The following SRCIN1 variants were observed in gnomAD, a reference collection of about 807,000 sequenced individuals.
SRCIN1 encodes SRC kinase signaling inhibitor 1, also known as P130Cas-associated protein.
Under a neutral mutation model 116.2 loss-of-function variants are expected in SRCIN1, and 50 were observed. That is an observed-to-expected ratio of 0.43 (90% CI 0.34 to 0.54). SRCIN1 has a LOEUF of 0.54. SRCIN1 is among the 20% of genes least tolerant of loss of function. SRCIN1 has a pLI of 0.02. For missense variants in SRCIN1, 1,446 were observed against 1,672.0 expected, an observed-to-expected ratio of 0.86 and a Z score of 2.36; for synonymous variants, 736 against 750.0, an observed-to-expected ratio of 0.98 and a Z score of 0.30.
At position 38,599,623 on chromosome 17, in the gene SRCIN1, C is replaced by T. The variant is rs530939915; in HGVS notation, c.22+6061G>A. On this transcript the variant is annotated intron_variant, in intron 1 of 18. Coordinates refer to ENST00000617146, the MANE Select transcript of SRCIN1 (RefSeq NM_025248.3). ...TTATCTTCCTATCTAACCTCGATTCCTCCTACTACAGCGTGGGCCTGCTTC... is the reference window on the plus strand; with the variant it reads ...TTATCTTCCTATCTAACCTCGATTCTTCCTACTACAGCGTGGGCCTGCTTC... Among the ~76,000 whole-genome samples the T allele has an allele frequency of 4.6e-5, 7 of 152,322 alleles. No individual in the cohort carries two copies. The South Asian group carries it at 1.4e-3, about 32-fold the overall frequency.
intron 18 of SRCIN1, 63 bp downstream of exon 18, chr17:38,543,741 AGGGGCAGGAGATGCCCAGT>A: frequency 2.0e-6 from 3 of 1,526,336 alleles, no homozygotes; most frequent in Middle Eastern, 4.6e-4. Context: ...TCACGGGAGC[AGGGGCAGGAGATGCCCAGT>A]GGGGCAGGGG....
At position 38,531,987 on chromosome 17, in the gene SRCIN1, T is replaced by A. The variant is rs1255634390; in HGVS notation, c.*1310A>T. ...CCTACCGGCTCCTCACTGTGCCCTC[T>A]GGGGGGCCAGGAGTGAGAACCAAAA... On this transcript the variant is annotated 3_prime_UTR_variant, in exon 19 of 19. Transcript: ENST00000617146. The A allele has an allele frequency of 6.6e-6, 1 of 152,614 alleles. No homozygotes were observed. Among genetic ancestry groups the A allele is most frequent in the Non-Finnish European group, 1.5e-5 (1 of 68,108 alleles). The allele number at this position is 152,614 out of a possible 1,614,324, so 9.5% of individuals were successfully genotyped here.
chr17:38,564,407 G>C (rs1484982733), intron 3 of SRCIN1, 94 bp from the exon 4 acceptor site: 20 of 1,321,780 alleles, frequency 1.5e-5, no homozygotes, highest in Non-Finnish European at 1.9e-5. Context: ...GGAAGGTCCT[G>C]CCAGCCAGCG....
Position 38,559,714 on chromosome 17 carries a change from G to T in SRCIN1, c.1896C>A (p.Pro632=). The change falls in exon 10 of 19, where the codon CCC becomes CCA. Residue 632 remains proline (P), a synonymous_variant. Transcript: ENST00000617146. ...GACCTGCGGGGGTGCTGCTGGCCGAGGGCGGGGGCGGGCCGGACACCGGGG... is the reference window on the plus strand; with the variant it reads ...GACCTGCGGGGGTGCTGCTGGCCGATGGCGGGGGCGGGCCGGACACCGGGG... ...GATPVSGPPP[P]SASSTPAGQP... 1 of 1,570,754 alleles carries T rather than the reference G, an allele frequency of 6.4e-7. No homozygotes were observed.
At chr17:38,550,826 C>T (rs1016618707) in intron 15 of SRCIN1, among the ~76,000 whole-genome samples, 34 of 152,352 alleles carry the variant, frequency 2.2e-4, no homozygotes, top group African/African-American at 5.3e-4. Context: ...GCAGTATCAG[C>T]GCTCAACCCG....
At chr17:38,606,121 AGC>A (rs1259079121), upstream of SRCIN1, among the ~76,000 whole-genome samples, 1 of 149,878 alleles carries the variant, frequency 6.7e-6, no homozygotes, top group Non-Finnish European at 1.5e-5. This position sits in a 1 kb window ranked among gnomAD's most constrained non-coding sequence, Gnocchi z 5.2. Context: ...GTGATCCCGC[AGC>A]GCGCGGCCGG....
intron 11 of SRCIN1, among the ~76,000 whole-genome samples, chr17:38,555,488 T>G (rs1905725280): frequency 6.6e-6 from 1 of 152,250 alleles, no homozygotes; most frequent in Non-Finnish European, 1.5e-5. Flanking sequence ...GAGAAAGATA[T>G]GTTTATTACT....
chr17:38,576,950 C>T (rs565755347), intron 2 of SRCIN1, among the ~76,000 whole-genome samples: 1 of 152,212 alleles, frequency 6.6e-6, no homozygotes, highest in African/African-American at 2.4e-5. Context: ...CCACCATCTG[C>T]CCCACTTTTT....
intron 3 of SRCIN1, among the ~76,000 whole-genome samples, chr17:38,566,831 T>C (rs1906712556): frequency 6.7e-6 from 1 of 148,676 alleles, no homozygotes; most frequent in Admixed American, 6.7e-5. Flanking sequence ...GGAACATGCA[T>C]CCTCTCGTGT....
chr17:38,601,139 A>G (rs530244629), intron 1 of SRCIN1: 3 of 152,454 alleles, frequency 2.0e-5, no homozygotes, highest in Non-Finnish European at 4.4e-5. Flanking sequence ...ACGCCCCCTC[A>G]TTTCACAGGT....
At chr17:38,566,883 T>TTCCTTCCTTCCTTCCC (rs1173933841) in intron 3 of SRCIN1, among the ~76,000 whole-genome samples, 11 of 150,348 alleles carry the variant, frequency 7.3e-5, no homozygotes, top group Admixed American at 6.6e-4. Flanking sequence ...CCTTCCTTCC[T>TTCCTTCCTTCCTTCCC]TCCTTCCTTC....
At position 38,563,706 on chromosome 17, in the gene SRCIN1, C is replaced by T; in HGVS notation, c.542-185G>A. 1.2e-6 allele frequency: 1 copy of T among 833,028 alleles called. No individual in the cohort carries two copies. Among genetic ancestry groups the T allele is most frequent in the Non-Finnish European group, 2.0e-6 (1 of 509,036 alleles). 51.6% of individuals were successfully genotyped at this position (833,028 alleles called of 1,614,324 possible). A position where few individuals can be genotyped will look rare whatever the true frequency, so the allele number is the denominator to read the frequency against. On this transcript the variant is annotated intron_variant, in intron 4 of 18. Coordinates refer to ENST00000617146, the MANE Select transcript of SRCIN1 (RefSeq NM_025248.3). The surrounding 1 kb of genome is among the most constrained non-coding windows in gnomAD (Gnocchi z 5.8). ...TGCCGGCGGGGGCGCCAGGCCGGCTCTCCAGCCTCTCAAGGCACCCACTGG... is the reference window on the plus strand; with the variant it reads ...TGCCGGCGGGGGCGCCAGGCCGGCTTTCCAGCCTCTCAAGGCACCCACTGG...
At chr17:38,566,866 T>TTTCCTTCCTTCCTTCCTTCCTTCCTTCC (rs71138633) in intron 3 of SRCIN1, among the ~76,000 whole-genome samples, 113 of 131,996 alleles carry the variant, frequency 8.6e-4, no homozygotes, top group African/African-American at 1.9e-3. Context: ...TTTTGTTTCG[T>TTTCCTTCCTTCCTTCCTTCCTTCCTTCC]TTCCTTCCTT....
At position 38,552,049 on chromosome 17, in the gene SRCIN1, T is replaced by C; in HGVS notation, c.2564A>G (p.Asn855Ser). Residue 855 changes from asparagine (N) to serine (S), a missense_variant, in exon 14 of 19, where the codon AAC becomes AGC. Transcript: ENST00000617146. The surrounding 1 kb of genome is among the most constrained non-coding windows in gnomAD (Gnocchi z 5.3). ...PKKVTAETDF[N>S]KSVDFEMPPP... ...TGGCATTTCGAAGTCCACGCTCTTG[T>C]TGAAGTCAGTCTCTGCCGTCACCTT... 1.2e-6 allele frequency: 2 copies of C among 1,613,756 alleles called. No individual in the cohort carries two copies. The highest frequency in any genetic ancestry group is 1.1e-5 in the South Asian group (1 of 91,084).
At chr17:38,539,905 C>A (rs1352102420) in intron 18 of SRCIN1, among the ~76,000 whole-genome samples, 5 of 151,150 alleles carry the variant, frequency 3.3e-5, no homozygotes, top group Non-Finnish European at 5.9e-5. Context: ...CCTGTAATCC[C>A]AGCTACTCAG....
In SRCIN1 at chr17:38,561,531, G is replaced by C; in HGVS notation, c.1632C>G (p.Phe544Leu). The change falls in exon 7 of 19, where the codon TTC (phenylalanine) becomes TTG (leucine). Residue 544 changes from phenylalanine (F) to leucine (L), a missense_variant. Physicochemically the swap from Phe to Leu is conservative, Grantham distance 22 (BLOSUM62 0). Around this residue, in one of 5 missense-constraint regions of SRCIN1, gnomAD observed 398 missense variants for 385.6 expected, o/e 1.03. Transcript: ENST00000617146. ...STAGAPPSELFPGPGERSLVG... is the reference protein window; with the variant it reads ...STAGAPPSELLPGPGERSLVG... ...CCAGCGAGCGTTCCCCAGGCCCAGG[G>C]AAGAGCTCCGAAGGGGGAGCTCCGG... 1.3e-6 allele frequency: 2 copies of C among 1,599,292 alleles called. No homozygotes were observed. The highest frequency in any genetic ancestry group is 8.5e-7 in the Non-Finnish European group (1 of 1,176,992).
rs1346707009 is a variant in SRCIN1 at position 38,560,111 on chromosome 17, A to G, written c.1794-14T>C. 4 of 1,543,034 alleles carry G rather than the reference A, an allele frequency of 2.6e-6. No homozygotes were observed. Among genetic ancestry groups the G allele is most frequent in the Non-Finnish European group, 3.5e-6 (4 of 1,143,526 alleles). The stretch of plus-strand genomic sequence containing the variant: ...TCAATCTTCTCGCTGTGGCACAGGG[A>G]AAAAAGCCATCAGGGGGTCCAGGCC... On this transcript the variant is annotated splice_polypyrimidine_tract_variant and intron_variant, in intron 8 of 18. Coordinates refer to ENST00000617146, the MANE Select transcript of SRCIN1 (RefSeq NM_025248.3).
At position 38,568,435 on chromosome 17, in the gene SRCIN1, C is replaced by T. The variant is rs1906860159; in HGVS notation, c.325-204G>A. 6.6e-6 allele frequency among the ~76,000 whole-genome samples: 1 copy of T among 152,148 alleles called. No individual in the cohort carries two copies. The highest frequency in any genetic ancestry group is 2.4e-5 in the African/African-American group (1 of 41,428). On this transcript the variant is annotated intron_variant, in intron 2 of 18. Transcript: ENST00000617146. The surrounding 1 kb of genome is among the most constrained non-coding windows in gnomAD (Gnocchi z 4.5). Reference sequence around the variant, plus strand: ...AACACCATGGTGTACCCAGGATGGCCCTGAGCAGGCGCTACAGCGACTCCT... The same window carrying T: ...AACACCATGGTGTACCCAGGATGGCTCTGAGCAGGCGCTACAGCGACTCCT...
rs759789433 is a variant in SRCIN1 at position 38,549,088 on chromosome 17, C to T, written c.3085G>A (p.Val1029Ile). ...AAGGCCGAGTCCTTCTTGCTGGTGA[C>T]CACCACCTCTCCGGTACGTGTGGTG... is the stretch of plus-strand genomic sequence containing the variant. ...LTTTRTGEVV[V>I]TSKKDSAFIK... is the part of the protein sequence containing the mutation. The change falls in exon 16 of 19, where the codon GTC (valine) becomes ATC (isoleucine). Residue 1029 changes from valine (V) to isoleucine (I), a missense_variant. Val to Ile is a conservative substitution (Grantham distance 29). Coordinates refer to ENST00000617146, the MANE Select transcript of SRCIN1 (RefSeq NM_025248.3). The T allele has an allele frequency of 3.1e-6, 5 of 1,612,798 alleles. No individual in the cohort carries two copies. The highest frequency in any genetic ancestry group is 3.4e-6 in the Non-Finnish European group (4 of 1,179,696).
Sources: allele counts gnomAD v4.1 joint callset (sites outside exome capture counted in the v4.1 genomes callset), GRCh38; gene constraint gnomAD v4.1.1; regional missense constraint gnomAD v4.1.1; non-coding constraint Gnocchi (gnomAD v3.1); transcripts MANE v1.5; gene names NCBI Gene and HGNC (gene_info 2026-07-23, HGNC 2026-07-21).